RBM47: variants seen among roughly 807,000 people sequenced by gnomAD.
RBM47 encodes the protein RNA binding motif protein 47, also known as RNA-binding protein 47.
In RBM47, 21 loss-of-function variants were observed where a neutral mutation model predicts 47.1. The observed-to-expected ratio is 0.45, with a 90% CI of 0.32 to 0.64. The LOEUF (loss-of-function observed/expected upper bound fraction) is 0.64, where lower values mean the gene tolerates loss of function less well. Ranked by LOEUF, RBM47 falls within the 30% of genes least tolerant of loss-of-function variation. The pLI is 0.05. For missense variants in RBM47, 708 were observed against 870.9 expected (o/e 0.81, Z 2.35); for synonymous variants, 375 against 361.7 (o/e 1.04, Z -0.42).
rs76864652 is a variant in RBM47 at position 40,484,999 on chromosome 4, T to G, written c.-154-18300A>C. Among the ~76,000 whole-genome samples, 367 of 151,028 alleles carry G rather than the reference T, an allele frequency of 2.4e-3. 13 individuals are homozygous for G. In the East Asian group the frequency reaches 0.057, roughly 23 times the overall value. ...ACAAAGTTTAAGATTGTCTCTTTTT[T>G]TTTGTTTGTTTTCTTTTTCTTTTTT... On this transcript the variant is annotated intron_variant, in intron 2 of 6. Coordinates refer to ENST00000295971, the MANE Select transcript of RBM47 (RefSeq NM_001098634.2).
At chr4:40,575,743 G>A (rs763115380) in intron 1 of RBM47, among the ~76,000 whole-genome samples, 1 of 152,136 alleles carries the variant, frequency 6.6e-6, no homozygotes, top group Non-Finnish European at 1.5e-5. Context: ...TTTTAGCACT[G>A]AAAGGACAAA....
At chr4:40,546,393 A>G (rs1221982706) in intron 1 of RBM47, among the ~76,000 whole-genome samples, 1 of 152,026 alleles carries the variant, frequency 6.6e-6, no homozygotes, top group Non-Finnish European at 1.5e-5. Context: ...CATGTGATCC[A>G]CCCGCCTCAG....
rs111985694 is a variant in RBM47, at chr4:40,511,420, G to A, written c.-155+33002C>T. ...GAAGGAGCAGATAACAAACAAGAAC[G>A]CTTGTAGAGACGTTACTCAATTATA... On this transcript the variant is annotated intron_variant, in intron 2 of 6. Transcript: ENST00000295971. Among the ~76,000 whole-genome samples, 431 of 152,306 alleles carry A rather than the reference G, an allele frequency of 2.8e-3. 4 individuals are homozygous for A. Among genetic ancestry groups the A allele is most frequent in the African/African-American group, 9.7e-3 (402 of 41,558 alleles).
At chr4:40,500,786 A>T (rs1184501652) in intron 2 of RBM47, among the ~76,000 whole-genome samples, 1 of 152,168 alleles carries the variant, frequency 6.6e-6, no homozygotes, top group Non-Finnish European at 1.5e-5. Context: ...TAATTTAGCA[A>T]CTTTTCTTAT....
intron 2 of RBM47, among the ~76,000 whole-genome samples, chr4:40,490,850 T>C (rs2154246317): frequency 6.6e-6 from 1 of 152,236 alleles, no homozygotes; most frequent in Middle Eastern, 3.4e-3. Flanking sequence ...CGATCTGATC[T>C]ACAGAGTCAA....
intron 2 of RBM47, among the ~76,000 whole-genome samples, chr4:40,469,203 G>A (rs1010260449): frequency 2.0e-5 from 3 of 152,124 alleles, no homozygotes; most frequent in Admixed American, 1.3e-4. Flanking sequence ...CCAAGGTAAT[G>A]AACATGTAAA....
chr4:40,452,440 T>C (rs990957706), intron 3 of RBM47, among the ~76,000 whole-genome samples: 3 of 152,158 alleles, frequency 2.0e-5, no homozygotes, highest in African/African-American at 4.8e-5. Flanking sequence ...GAGTAGCTCT[T>C]GCACCAGGAG....
intron 2 of RBM47, among the ~76,000 whole-genome samples, chr4:40,535,269 A>G (rs1727826769): frequency 6.6e-6 from 1 of 152,156 alleles, no homozygotes; most frequent in Non-Finnish European, 1.5e-5. Context: ...ATCACTGATT[A>G]CACAGGTATA....
chr4:40,501,326 C>A (rs1002717174), intron 2 of RBM47, among the ~76,000 whole-genome samples: 1 of 152,158 alleles, frequency 6.6e-6, no homozygotes, highest in African/African-American at 2.4e-5. Flanking sequence ...ATGTGGAAAG[C>A]AGAAAGAGGA....
rs561430769 is a variant in RBM47, at chr4:40,547,216, G to C, written c.-239-2710C>G. ...TCTAGGATATACAGTGCCCCTCCCT[G>C]CCCTGCCAAATTCATAAATTCAAGG... On this transcript the variant is annotated intron_variant, in intron 1 of 6. Coordinates refer to ENST00000295971, the MANE Select transcript of RBM47 (RefSeq NM_001098634.2). Among the ~76,000 whole-genome samples the C allele has an allele frequency of 1.9e-3, 296 of 152,134 alleles. 2 individuals carry two copies. The highest frequency in any genetic ancestry group is 3.4e-3 in the Middle Eastern group (1 of 292).
At chr4:40,521,855 G>A (rs1230416190) in intron 2 of RBM47, among the ~76,000 whole-genome samples, 1 of 152,056 alleles carries the variant, frequency 6.6e-6, no homozygotes, top group Non-Finnish European at 1.5e-5. Context: ...TGCTGTGCAA[G>A]GAGAAGAAAA....
At chr4:40,502,352 T>C (rs1194778823) in intron 2 of RBM47, among the ~76,000 whole-genome samples, 1 of 152,142 alleles carries the variant, frequency 6.6e-6, no homozygotes. Context: ...ATTTGATGAA[T>C]ATAGCCTGGT....
intron 2 of RBM47, among the ~76,000 whole-genome samples, chr4:40,540,686 G>A (rs1299301668): frequency 1.4e-5 from 2 of 147,156 alleles, no homozygotes; most frequent in African/African-American, 5.0e-5. Context: ...AATAAATGGG[G>A]AATAATGGGG....
At chr4:40,484,074 G>C (rs920346145) in intron 2 of RBM47, among the ~76,000 whole-genome samples, 2 of 152,166 alleles carry the variant, frequency 1.3e-5, no homozygotes, top group Non-Finnish European at 2.9e-5. Flanking sequence ...TTAATGTCAT[G>C]AGTAAAGGTT....
chr4:40,518,455 C>T (rs902118714), intron 2 of RBM47, among the ~76,000 whole-genome samples: 1 of 152,038 alleles, frequency 6.6e-6, no homozygotes, highest in East Asian at 1.9e-4. Context: ...GGACTACAGG[C>T]GTGAGCAACC....
chr4:40,589,878 G>A (rs1263391121), intron 1 of RBM47, among the ~76,000 whole-genome samples: 1 of 152,150 alleles, frequency 6.6e-6, no homozygotes, highest in Non-Finnish European at 1.5e-5. Flanking sequence ...ACCTGGAGGG[G>A]CAACAAAGGC....
chr4:40,582,128 CTA>C (rs2154271306), intron 1 of RBM47, among the ~76,000 whole-genome samples: 1 of 152,328 alleles, frequency 6.6e-6, no homozygotes, highest in South Asian at 2.1e-4. Context: ...CTCCCTCTTA[CTA>C]TCCCTGCAGC....
At chr4:40,620,282 CG>C in intron 1 of RBM47, among the ~76,000 whole-genome samples, 1 of 147,710 alleles carries the variant, frequency 6.8e-6, no homozygotes, top group Non-Finnish European at 1.5e-5. Context: ...TCAAGGCGGG[CG>C]GATCACGAGG....
At chr4:40,558,367 A>G (rs116200777) in intron 1 of RBM47, among the ~76,000 whole-genome samples, 5 of 152,190 alleles carry the variant, frequency 3.3e-5, no homozygotes, top group African/African-American at 9.6e-5. Flanking sequence ...CATTTATTGA[A>G]TGAGTAAATG....
Sources: allele counts gnomAD v4.1 joint callset (sites outside exome capture counted in the v4.1 genomes callset), GRCh38; gene constraint gnomAD v4.1.1; transcripts MANE v1.5; gene names NCBI Gene and HGNC (gene_info 2026-07-23, HGNC 2026-07-21).